Variants in ZNF224 observed in about 807,000 individuals in gnomAD.
ZNF224 encodes zinc finger protein 224, also known as bone marrow zinc finger 2.
A neutral mutation model predicts 10.5 loss-of-function variants in ZNF224; 8 were observed. The ratio of observed to expected loss-of-function variants is 0.76; its 90% CI spans 0.45 to 1.37. ZNF224 has a LOEUF of 1.37. Among genes scored for constraint, ZNF224 ranks in the 40% most tolerant of loss-of-function variants. ZNF224 has a pLI of 0.00. For synonymous variants in ZNF224, 282 were observed against 287.8 expected (o/e 0.98, Z 0.20); for missense variants, 754 against 854.0 (o/e 0.88, Z 1.46).
chr19:44,102,360 G>C (rs1967566211), intron 5 of ZNF224, among the ~76,000 whole-genome samples: 1 of 152,090 alleles, frequency 6.6e-6, no homozygotes, highest in African/African-American at 2.4e-5. Flanking sequence ...CTACATGCTG[G>C]ACTATAATGT....
In ZNF224 at chr19:44,106,771, A is replaced by G. The variant is rs776173519; in HGVS notation, c.611A>G (p.Tyr204Cys). ...AGAGTCCACATGGGAGAGAAATGCT[A>G]TAAGTGTGACGTGTGTGGTAAGGAA... ...HQRVHMGEKC[Y>C]KCDVCGKEFS... The change falls in exon 6 of 6, where the codon TAT becomes TGT. Residue 204 changes from tyrosine to cysteine, a missense_variant. Transcript: ENST00000693561. 52 of 1,613,512 alleles carry G rather than the reference A, an allele frequency of 3.2e-5. No individual in the cohort carries two copies. Among genetic ancestry groups the G allele is most frequent in the East Asian group, 1.6e-4 (7 of 44,898 alleles).
At chr19:44,101,423 A>G (rs555671428) in intron 5 of ZNF224, among the ~76,000 whole-genome samples, 198 bp downstream of exon 5, 1 of 152,226 alleles carries the variant, frequency 6.6e-6, no homozygotes, top group Non-Finnish European at 1.5e-5. Flanking sequence ...GATCCTTAGG[A>G]AATGTAAGTC....
At chr19:44,102,019 A>T (rs1317392747) in intron 5 of ZNF224, among the ~76,000 whole-genome samples, 1 of 152,154 alleles carries the variant, frequency 6.6e-6, no homozygotes, top group African/African-American at 2.4e-5. Context: ...TTAACTGACT[A>T]GCAACCTTAA....
In ZNF224 at chr19:44,107,694, T is replaced by C. The variant is rs770789287; in HGVS notation, c.1534T>C (p.Tyr512His). 4.3e-6 allele frequency: 7 copies of C among 1,613,942 alleles called. No homozygotes were observed. The South Asian group carries it at 4.4e-5, about 10-fold the overall frequency. ...HQRVHTGEKP[Y>H]KCEKCGKGYN... is the part of the protein sequence containing the mutation. ...GAGAGTTCACACTGGAGAAAAGCCATACAAATGTGAGAAGTGTGGAAAGGG... is the reference window on the plus strand; with the variant it reads ...GAGAGTTCACACTGGAGAAAAGCCACACAAATGTGAGAAGTGTGGAAAGGG... Residue 512 changes from tyrosine to histidine, a missense_variant, in exon 6 of 6, where the codon TAC becomes CAC. Transcript: ENST00000693561.
intron 4 of ZNF224, 97 bp downstream of exon 4, chr19:44,101,024 C>T (rs185605612): frequency 4.3e-6 from 7 of 1,610,088 alleles, no homozygotes; most frequent in Non-Finnish European, 5.9e-6. Flanking sequence ...TAACTTGAAC[C>T]TATGGTTCAA....
At chr19:44,098,587 A>ATT (rs545606486) in intron 3 of ZNF224, among the ~76,000 whole-genome samples, 30 of 146,864 alleles carry the variant, frequency 2.0e-4, no homozygotes, top group Admixed American at 4.1e-4. Flanking sequence ...ATGTAAGCTA[A>ATT]TTTTTTTTTT....
At position 44,100,806 on chromosome 19, in the gene ZNF224, A is replaced by G. The variant is rs750467701; in HGVS notation, c.21A>G (p.Ala7=). Residue 7 remains alanine (A), a synonymous_variant, in exon 4 of 6, where the codon GCA becomes GCG. Transcript: ENST00000693561. Reference sequence around the variant, plus strand: ...GCATATGTTTGATGCTATAGGAGGCAATGACCTTCAAGGACGTGGCTGTGG... The same window carrying G: ...GCATATGTTTGATGCTATAGGAGGCGATGACCTTCAAGGACGTGGCTGTGG... The part of the protein sequence containing the change: MTTFKE[A]MTFKDVAVVF... 1.2e-6 allele frequency: 2 copies of G among 1,613,402 alleles called. No homozygotes were observed. The highest frequency in any genetic ancestry group is 2.7e-5 in the African/African-American group (2 of 74,890).
At chr19:44,104,692 C>T (rs1967614207) in intron 5 of ZNF224, among the ~76,000 whole-genome samples, 2 of 151,280 alleles carry the variant, frequency 1.3e-5, no homozygotes, top group South Asian at 4.2e-4. Flanking sequence ...GACGGAGTCT[C>T]GCTCTGTCAC....
chr19:44,106,202 A>G (rs62115552), intron 5 of ZNF224, 194 bp from the exon 6 acceptor site: 14,236 of 608,754 alleles, frequency 0.023, 239 homozygotes, highest in Non-Finnish European at 0.032. Context: ...TATTTCTATC[A>G]AGTATTTTAC....
chr19:44,097,330 C>T (rs558347237), intron 2 of ZNF224, among the ~76,000 whole-genome samples: 1 of 152,278 alleles, frequency 6.6e-6, no homozygotes, highest in South Asian at 2.1e-4. Context: ...AGACAGTTTG[C>T]TGAATGGAGT....
intron 3 of ZNF224, among the ~76,000 whole-genome samples, chr19:44,100,339 C>T (rs895862819): frequency 6.6e-6 from 1 of 152,140 alleles, no homozygotes; most frequent in Non-Finnish European, 1.5e-5. Flanking sequence ...TGCATAACTA[C>T]TCAAACATGT....
Position 44,106,796 on chromosome 19 carries a change from A to G in ZNF224, c.636A>G (p.Glu212=). 1.2e-6 allele frequency: 2 copies of G among 1,613,848 alleles called. No individual in the cohort carries two copies. The stretch of plus-strand genomic sequence containing the variant: ...ATAAGTGTGACGTGTGTGGTAAGGA[A>G]TTCAGTCAGAGTTCACATCTGCAAA... ...KCYKCDVCGK[E]FSQSSHLQTH... The change falls in exon 6 of 6, where the codon GAA becomes GAG. Residue 212 remains glutamate (E), a synonymous_variant. Coordinates refer to ENST00000693561, the MANE Select transcript of ZNF224 (RefSeq NM_001321645.3).
chr19:44,106,148 TCTTC>T lies in ZNF224; in HGVS notation c.236-247_236-244del, dbSNP rs1967653137. On this transcript the variant is annotated intron_variant, in intron 5 of 5. Transcript: ENST00000693561. ...ACACCAGCAGCAGTGTATAAGCGTT[TCTTC>T]TCACCACACCCATGTCAACATCTAT... 143 of 509,134 alleles carry T rather than the reference TCTTC, an allele frequency of 2.8e-4. 4 individuals are homozygous for T. In the South Asian group the frequency reaches 3.2e-3, roughly 11 times the overall value. 31.5% of individuals were successfully genotyped at this position (509,134 alleles called of 1,614,324 possible). A position where few individuals can be genotyped will look rare whatever the true frequency, so the allele number is the denominator to read the frequency against.
intron 5 of ZNF224, among the ~76,000 whole-genome samples, chr19:44,101,774 A>G (rs942963462): frequency 2.0e-5 from 3 of 152,122 alleles, no homozygotes; most frequent in Non-Finnish European, 4.4e-5. Flanking sequence ...GTAGGGCTTC[A>G]TGTTTTCTGG....
chr19:44,102,462 A>G (rs929218100), intron 5 of ZNF224, among the ~76,000 whole-genome samples: 3 of 152,220 alleles, frequency 2.0e-5, no homozygotes, highest in Admixed American at 2.0e-4. Context: ...AACCTGATAT[A>G]TGAGCTAATG....
chr19:44,101,025 T>C, intron 4 of ZNF224, 98 bp downstream of exon 4: 2 of 1,604,318 alleles, frequency 1.2e-6, no homozygotes, highest in South Asian at 2.2e-5. Context: ...AACTTGAACC[T>C]ATGGTTCAAG....
intron 2 of ZNF224, among the ~76,000 whole-genome samples, chr19:44,096,833 G>A (rs1285445472): frequency 6.6e-6 from 1 of 152,192 alleles, no homozygotes; most frequent in African/African-American, 2.4e-5. Flanking sequence ...TTGGAGAAAG[G>A]CATTCATTTG....
intron 2 of ZNF224, 74 bp from the exon 3 acceptor site, chr19:44,097,732 A>G: frequency 1.2e-6 from 1 of 838,860 alleles, no homozygotes; most frequent in South Asian, 1.6e-5. Context: ...TTCACAATAC[A>G]CATCCCTGTT....
rs985818077 is a variant in ZNF224 at position 44,108,824 on chromosome 19, G to A, written c.*540G>A. ...GGATACAATTTTGTGTATCCAAAAA[G>A]GGAAGCCTGCAAAAAATAATTCTGG... On this transcript the variant is annotated 3_prime_UTR_variant, in exon 6 of 6. Coordinates refer to ENST00000693561, the MANE Select transcript of ZNF224 (RefSeq NM_001321645.3). 1 of 427,638 alleles carries A rather than the reference G, an allele frequency of 2.3e-6. No individual in the cohort carries two copies. The highest frequency in any genetic ancestry group is 2.2e-5 in the Admixed American group (1 of 44,878). 26.5% of individuals were successfully genotyped at this position (427,638 alleles called of 1,614,324 possible). A position where few individuals can be genotyped will look rare whatever the true frequency, so the allele number is the denominator to read the frequency against.
Sources: gnomAD v4.1 joint callset for allele counts (sites outside exome capture counted in the v4.1 genomes callset) on GRCh38, gnomAD v4.1.1 for gene constraint, MANE v1.5 for transcripts, NCBI Gene and HGNC (gene_info 2026-07-23, HGNC 2026-07-21) for gene names.